Variants in TMEM182 observed in about 807,000 individuals in gnomAD.
TMEM182 encodes the protein transmembrane protein 182.
A neutral mutation model predicts 26.8 loss-of-function variants in TMEM182; 20 were observed. That is an observed-to-expected ratio of 0.75 (90% CI 0.53 to 1.09). The LOEUF (loss-of-function observed/expected upper bound fraction) is 1.09. Ranked by LOEUF, TMEM182 falls within the 50% of genes least tolerant of loss-of-function variation. The probability of loss-of-function intolerance (pLI) is 0.00; values close to 1 mark genes in which losing one functional copy is unlikely to be tolerated. For synonymous variants in TMEM182, 109 were observed against 102.2 expected (o/e 1.07, Z -0.40); for missense variants, 277 against 275.5 (o/e 1.01, Z -0.04).
intron 4 of TMEM182, among the ~76,000 whole-genome samples, chr2:102,801,035 T>C (rs1182568375): frequency 6.6e-6 from 1 of 152,180 alleles, no homozygotes; most frequent in African/African-American, 2.4e-5. Context: ...ATTGACACAA[T>C]AATTATACAT....
At position 102,764,374 on chromosome 2, in the gene TMEM182, C is replaced by T. The variant is rs535703369; in HGVS notation, c.278C>T (p.Pro93Leu). ...AACTGCACACATGCTTACCTGTCTC[C>T]GTACCCCTTCATGAGAGGCGAGCAC... ...SKNCTHAYLS[P>L]YPFMRGEHNS... The change falls in exon 3 of 5, where the codon CCG (proline) becomes CTG (leucine). Residue 93 changes from proline (P) to leucine (L), a missense_variant. Coordinates refer to ENST00000412401, the MANE Select transcript of TMEM182 (RefSeq NM_144632.5). The T allele has an allele frequency of 2.5e-6, 4 of 1,613,792 alleles. No individual in the cohort carries two copies. In the African/African-American group the frequency reaches 4.0e-5, roughly 16 times the overall value.
At chr2:102,798,134 CACTA>C (rs140870577) in intron 4 of TMEM182, 134 bp downstream of exon 4, 167,932 of 1,118,128 alleles carry the variant, frequency 0.15, 15,082 homozygotes, top group East Asian at 0.2. Flanking sequence ...ACTTCTTGAA[CACTA>C]ACTAATAATA....
At chr2:102,742,368 G>T (rs1003911097) in intron 1 of TMEM182, among the ~76,000 whole-genome samples, 1 of 151,930 alleles carries the variant, frequency 6.6e-6, no homozygotes, top group African/African-American at 2.4e-5. Flanking sequence ...AAATTCAAAA[G>T]AATTGAATAT....
rs527900837 is a variant in TMEM182 at position 102,753,202 on chromosome 2, C to G, written c.-82-5187C>G. The stretch of plus-strand genomic sequence containing the variant: ...CAAATGAGTTTTAAGCTTCCCCCCC[C>G]CACTGCCTTCAAGAGTTACTATACT... On this transcript the variant is annotated intron_variant, in intron 1 of 5. Coordinates refer to the TMEM182 transcript ENST00000409173. Among the ~76,000 whole-genome samples, 35 of 149,436 alleles carry G rather than the reference C, an allele frequency of 2.3e-4. No individual in the cohort carries two copies. The East Asian group carries it at 5.9e-3, about 25-fold the overall frequency.
At chr2:102,827,564 C>G (rs1683057817) in intron 3 of TMEM182, among the ~76,000 whole-genome samples, 1 of 152,178 alleles carries the variant, frequency 6.6e-6, no homozygotes, top group Non-Finnish European at 1.5e-5. Flanking sequence ...TCTTTCACTC[C>G]TTTCAAATCG....
intron 3 of TMEM182, among the ~76,000 whole-genome samples, chr2:102,829,175 G>T (rs1255954300): frequency 6.6e-6 from 1 of 152,188 alleles, no homozygotes; most frequent in East Asian, 1.9e-4. Flanking sequence ...CAATCAGGTA[G>T]CACCTTTTTG....
At chr2:102,835,042 G>T (rs1003326782) in intron 3 of TMEM182, among the ~76,000 whole-genome samples, 33 of 152,144 alleles carry the variant, frequency 2.2e-4, no homozygotes, top group African/African-American at 7.2e-4. Context: ...AAGCAATTGT[G>T]GGGGGCGGGG....
chr2:102,756,840 G>C (rs942943323), intron 1 of TMEM182, among the ~76,000 whole-genome samples: 5 of 151,396 alleles, frequency 3.3e-5, no homozygotes, highest in Non-Finnish European at 5.9e-5. Context: ...TTGAGAGGGA[G>C]TCTCACTGTG....
chr2:102,830,871 G>T (rs1683136911), intron 3 of TMEM182, among the ~76,000 whole-genome samples: 1 of 151,748 alleles, frequency 6.6e-6, no homozygotes, highest in African/African-American at 2.4e-5. Context: ...ACCCTTCCCA[G>T]CCTCTGGTAA....
chr2:102,841,410 G>C (rs1683348021), intron 3 of TMEM182, among the ~76,000 whole-genome samples: 1 of 152,138 alleles, frequency 6.6e-6, no homozygotes, highest in Admixed American at 6.5e-5. Context: ...GAGGACCCGG[G>C]CCTGAGCAGT....
chr2:102,809,774 C>T (rs1432940876), intron 4 of TMEM182, among the ~76,000 whole-genome samples: 2 of 152,150 alleles, frequency 1.3e-5, no homozygotes, highest in Non-Finnish European at 2.9e-5. Context: ...ATGTAGATGC[C>T]CTGCTAAATA....
At chr2:102,825,007 G>A (rs1683005370) in intron 3 of TMEM182, among the ~76,000 whole-genome samples, 1 of 152,146 alleles carries the variant, frequency 6.6e-6, no homozygotes, top group African/African-American at 2.4e-5. Flanking sequence ...AGTGTGAGAA[G>A]GGACTAATAC....
At chr2:102,739,165 C>T (rs903145663) in intron 1 of TMEM182, among the ~76,000 whole-genome samples, 5 of 152,146 alleles carry the variant, frequency 3.3e-5, no homozygotes, top group Admixed American at 3.3e-4. Flanking sequence ...GAGGCCAGGT[C>T]ATAGCACTTA....
At chr2:102,759,115 CAA>C (rs1284419591), upstream of TMEM182, among the ~76,000 whole-genome samples, 1 of 152,058 alleles carries the variant, frequency 6.6e-6, no homozygotes, top group Admixed American at 6.6e-5. Context: ...ATAGTAACAA[CAA>C]AGTCTTATAT....
In TMEM182 at chr2:102,764,351, C is replaced by T; in HGVS notation, c.255C>T (p.Asn85=). Residue 85 remains asparagine, a synonymous_variant, in exon 3 of 5, where the codon AAC becomes AAT. Transcript: ENST00000412401. ...TAGCCAATCAGCCACCGTCCAAGAA[C>T]TGCACACATGCTTACCTGTCTCCGT... ...FWYTNQPPSK[N]CTHAYLSPYP... 6.2e-7 allele frequency: 1 copy of T among 1,613,906 alleles called. No homozygotes were observed.
chr2:102,771,177 A>G (rs540906723), intron 3 of TMEM182, among the ~76,000 whole-genome samples: 4 of 152,244 alleles, frequency 2.6e-5, no homozygotes, highest in South Asian at 4.1e-4. Flanking sequence ...GGAAAATGCA[A>G]CTTAGCCTCC....
intron 1 of TMEM182, among the ~76,000 whole-genome samples, chr2:102,752,374 C>G (rs914890019): frequency 6.6e-6 from 1 of 152,130 alleles, no homozygotes; most frequent in Non-Finnish European, 1.5e-5. Flanking sequence ...TCATGATATG[C>G]TCTAATTTTT....
At position 102,797,848 on chromosome 2, in the gene TMEM182, T is replaced by C. The variant is rs185576290; in HGVS notation, c.332-15T>C. ...TATTTTTCTTTCTTTTCTCTTTTCC[T>C]CCTGGGGTCTCCAGTTTACCGTGGT... On this transcript the variant is annotated splice_polypyrimidine_tract_variant and intron_variant, in intron 3 of 4. Transcript: ENST00000412401. 3.0e-5 allele frequency: 48 copies of C among 1,605,152 alleles called. No individual in the cohort carries two copies. Among genetic ancestry groups the C allele is most frequent in the Middle Eastern group, 1.8e-4 (1 of 5,658 alleles).
downstream of TMEM182, among the ~76,000 whole-genome samples, chr2:102,821,851 G>A (rs575326734): frequency 3.3e-5 from 5 of 152,180 alleles, no homozygotes; most frequent in South Asian, 2.1e-4. Context: ...AGCCGGGCAT[G>A]GTGGCAGGTG....
Sources: allele counts gnomAD v4.1 joint callset (sites outside exome capture counted in the v4.1 genomes callset), GRCh38; gene constraint gnomAD v4.1.1; transcripts MANE v1.5; gene names NCBI Gene and HGNC (gene_info 2026-07-23, HGNC 2026-07-21).